The following SLC17A1 variants were observed in gnomAD, a reference collection of about 807,000 sequenced individuals.
The protein encoded by SLC17A1 is solute carrier family 17 member 1.
In SLC17A1, 51 loss-of-function variants were observed where a neutral mutation model predicts 53.5. The observed-to-expected ratio is 0.95, with a 90% CI of 0.76 to 1.20. The LOEUF is 1.20. Ranked by LOEUF, SLC17A1 falls within the 50% of genes most tolerant of loss-of-function variation. The pLI is 0.00. For synonymous variants in SLC17A1, 179 were observed against 198.8 expected, an observed-to-expected ratio of 0.90 and a Z score of 0.84; for missense variants, 538 against 568.2, an observed-to-expected ratio of 0.95 and a Z score of 0.54.
At chr6:25,812,242 G>A (rs1013321054) in intron 8 of SLC17A1, among the ~76,000 whole-genome samples, 1 of 152,154 alleles carries the variant, frequency 6.6e-6, no homozygotes, top group African/African-American at 2.4e-5. Flanking sequence ...TTTACTGGAA[G>A]CTCATTACAG....
rs144667400 is a variant in SLC17A1, at chr6:25,813,582, T to C, written c.617-369A>G. Among the ~76,000 whole-genome samples the C allele has an allele frequency of 6.7e-3, 1,017 of 152,326 alleles. 9 individuals carry two copies. The highest frequency in any genetic ancestry group is 0.017 in the African/African-American group (719 of 41,580). ...CCAGTTGTTTTGTTTTGTTTTGTTTTTAATGTTTAAGTTCAGGGATACAAG... is the reference window on the plus strand; with the variant it reads ...CCAGTTGTTTTGTTTTGTTTTGTTTCTAATGTTTAAGTTCAGGGATACAAG... On this transcript the variant is annotated intron_variant, in intron 6 of 12. Coordinates refer to ENST00000244527, the MANE Select transcript of SLC17A1 (RefSeq NM_005074.5).
rs1371698479 is a variant in SLC17A1 at position 25,817,200 on chromosome 6, T to G, written c.616+1868A>C. On this transcript the variant is annotated intron_variant, in intron 6 of 12. Transcript: ENST00000244527. ...AAGTCTGTGACTCAATTTACTCTAC[T>G]TGGTAATCTCCAGCAATTATCAGCT... is the stretch of plus-strand genomic sequence containing the variant. Among the ~76,000 whole-genome samples the G allele has an allele frequency of 2.3e-4, 35 of 152,200 alleles. 1 individual carries two copies. Among genetic ancestry groups the G allele is most frequent in the Admixed American group, 2.3e-3 (35 of 15,274 alleles).
At chr6:25,763,544 G>T in the SLC17A1 span, among the ~76,000 whole-genome samples, 6 of 152,148 alleles carry the variant, frequency 3.9e-5, no homozygotes, top group Non-Finnish European at 5.9e-5. Context: ...CACTGCTGGG[G>T]CTTTCTCTGG....
chr6:25,786,547 A>T (rs1231437526), intron 12 of SLC17A1, among the ~76,000 whole-genome samples: 1 of 152,154 alleles, frequency 6.6e-6, no homozygotes, highest in African/African-American at 2.4e-5. Flanking sequence ...GGGAGAAGGG[A>T]TATCCACAAA....
chr6:25,789,392 G>A (rs1430028532), intron 12 of SLC17A1, among the ~76,000 whole-genome samples: 1 of 152,128 alleles, frequency 6.6e-6, no homozygotes, highest in Non-Finnish European at 1.5e-5. Context: ...GATGTAGGAT[G>A]AAATATTTAC....
the SLC17A1 span, chr6:25,726,547 G>A: frequency 2.6e-5 from 42 of 1,593,270 alleles, no homozygotes; most frequent in Non-Finnish European, 3.3e-5. Flanking sequence ...TCAAATTGCA[G>A]CAACACGAGA....
intron 8 of SLC17A1, among the ~76,000 whole-genome samples, chr6:25,812,279 A>G (rs1764184105): frequency 6.6e-6 from 1 of 152,200 alleles, no homozygotes; most frequent in South Asian, 2.1e-4. Context: ...AAGCCCAGAC[A>G]GACTCCATTT....
the SLC17A1 span, among the ~76,000 whole-genome samples, chr6:25,750,668 G>A: frequency 1.5e-3 from 220 of 150,956 alleles, 2 homozygotes; most frequent in East Asian, 0.018. Context: ...AGAAAGGAGG[G>A]AAGGAGAAGC....
intron 12 of SLC17A1, among the ~76,000 whole-genome samples, chr6:25,786,121 C>T (rs1238908849): frequency 6.6e-6 from 1 of 152,210 alleles, no homozygotes; most frequent in East Asian, 1.9e-4. Flanking sequence ...CATAGCCATA[C>T]AGTCGAATAC....
At position 25,819,916 on chromosome 6, in the gene SLC17A1, C is replaced by T. The variant is rs1429738328; in HGVS notation, c.208-1G>A. 1 of 1,588,664 alleles carries T rather than the reference C, an allele frequency of 6.3e-7. No individual in the cohort carries two copies. Among genetic ancestry groups the T allele is most frequent in the Admixed American group, 1.7e-5 (1 of 58,376 alleles). On this transcript the variant is annotated splice_acceptor_variant, in intron 3 of 12. Coordinates refer to ENST00000244527, the MANE Select transcript of SLC17A1 (RefSeq NM_005074.5). LOFTEE classifies it high-confidence loss of function. ...CTGGGCTCCAATTATACATAGGGTT[C>T]TAAAAGACAAGGGGGGACATGTCGA...
intron 10 of SLC17A1, among the ~76,000 whole-genome samples, chr6:25,811,195 A>G (rs1335970373): frequency 6.6e-6 from 1 of 152,124 alleles, no homozygotes; most frequent in Non-Finnish European, 1.5e-5. Context: ...ACAATGTATT[A>G]TATTCTTGAA....
chr6:25,770,433 C>G, the SLC17A1 span: 3 of 1,614,114 alleles, frequency 1.9e-6, no homozygotes, highest in African/African-American at 1.3e-5. Context: ...TGGGCTCCCC[C>G]ACTGGAAAGG....
downstream of SLC17A1, chr6:25,780,444 T>C (rs1220453333): frequency 6.6e-6 from 1 of 152,218 alleles, no homozygotes; most frequent in African/African-American, 2.4e-5. Context: ...ATCTGAAGGA[T>C]AATAGTTAAC....
the SLC17A1 span, among the ~76,000 whole-genome samples, chr6:25,742,301 A>T: frequency 0.049 from 7,384 of 152,164 alleles, 522 homozygotes; most frequent in African/African-American, 0.15. Flanking sequence ...GAACTAAGTG[A>T]ATTTAAATCC....
the SLC17A1 span, among the ~76,000 whole-genome samples, chr6:25,738,855 G>A: frequency 6.1e-3 from 932 of 152,128 alleles, 9 homozygotes; most frequent in Non-Finnish European, 0.011. Flanking sequence ...ACACTTACTG[G>A]GCAACTAAAA....
chr6:25,726,542 T>A, the SLC17A1 span: 1 of 1,598,864 alleles, frequency 6.3e-7, no homozygotes, highest in Admixed American at 1.7e-5. Context: ...TCGCATCAAA[T>A]TGCAGCAACA....
the SLC17A1 span, among the ~76,000 whole-genome samples, chr6:25,728,256 G>T: frequency 2.1e-4 from 32 of 152,248 alleles, no homozygotes; most frequent in Non-Finnish European, 4.3e-4. Flanking sequence ...CACAAATCTG[G>T]TTAGCAGGAA....
the SLC17A1 span, among the ~76,000 whole-genome samples, chr6:25,740,095 T>C: frequency 6.6e-6 from 1 of 152,176 alleles, no homozygotes; most frequent in South Asian, 2.1e-4. Context: ...CAGCCCCTTT[T>C]AGCTATGAGG....
the SLC17A1 span, among the ~76,000 whole-genome samples, chr6:25,735,407 T>C: frequency 6.6e-6 from 1 of 152,146 alleles, no homozygotes; most frequent in East Asian, 1.9e-4. Context: ...AGCAGAGAGA[T>C]TAAGTGAGCA....
Sources: allele counts gnomAD v4.1 joint callset (sites outside exome capture counted in the v4.1 genomes callset), GRCh38; gene constraint gnomAD v4.1.1; transcripts MANE v1.5; gene names NCBI Gene and HGNC (gene_info 2026-07-23, HGNC 2026-07-21).